The following RAB38 variants were observed in gnomAD, a reference collection of about 807,000 sequenced individuals.
RAB38 encodes ras-related protein Rab-38.
In RAB38, 15 loss-of-function variants were observed where a neutral mutation model predicts 18.4. The observed-to-expected ratio is 0.82, with a 90% CI of 0.55 to 1.26. RAB38 has a LOEUF of 1.26. Among genes scored for constraint, RAB38 ranks in the 50% most tolerant of loss-of-function variants. The pLI, the probability that RAB38 is intolerant of heterozygous loss-of-function variation, is 0.00. For missense variants in RAB38, 294 were observed against 267.4 expected, an observed-to-expected ratio of 1.10 and a Z score of -0.69; for synonymous variants, 101 against 104.4, an observed-to-expected ratio of 0.97 and a Z score of 0.20.
At chr11:88,074,918 T>C in the RAB38 span, among the ~76,000 whole-genome samples, 1 of 152,034 alleles carries the variant, frequency 6.6e-6, no homozygotes, top group African/African-American at 2.4e-5. Flanking sequence ...TTATATCAAA[T>C]AAAATAGACT....
intron 1 of RAB38, among the ~76,000 whole-genome samples, chr11:88,155,293 G>A (rs1321691216): frequency 6.6e-6 from 1 of 152,154 alleles, no homozygotes; most frequent in African/African-American, 2.4e-5. Flanking sequence ...GCAACAGAGA[G>A]CTTCCGCCAG....
chr11:87,853,976 C>T, the RAB38 span, among the ~76,000 whole-genome samples: 2 of 152,102 alleles, frequency 1.3e-5, no homozygotes, highest in Non-Finnish European at 2.9e-5. Context: ...GGATTCATGT[C>T]CCTCTCCTCT....
At chr11:87,953,855 G>GT in the RAB38 span, among the ~76,000 whole-genome samples, 741 of 136,074 alleles carry the variant, frequency 5.4e-3, no homozygotes, top group African/African-American at 0.011. Context: ...GTGTTTTAGT[G>GT]TTTTTTTTTT....
At chr11:87,862,151 C>T in the RAB38 span, among the ~76,000 whole-genome samples, 1 of 151,896 alleles carries the variant, frequency 6.6e-6, no homozygotes, top group Non-Finnish European at 1.5e-5. Context: ...CCCAGCAATA[C>T]CATTACTGGG....
At chr11:88,027,460 T>C in the RAB38 span, among the ~76,000 whole-genome samples, 1 of 152,184 alleles carries the variant, frequency 6.6e-6, no homozygotes, top group Non-Finnish European at 1.5e-5. Context: ...GGGAGTTCCC[T>C]TTCCTAGTCA....
the RAB38 span, among the ~76,000 whole-genome samples, chr11:88,071,155 G>A: frequency 4.6e-4 from 70 of 152,148 alleles, 1 homozygote; most frequent in Admixed American, 3.9e-3. Flanking sequence ...GTTCTGATCA[G>A]TGCCACTGTG....
At chr11:88,067,822 G>A in the RAB38 span, among the ~76,000 whole-genome samples, 2 of 151,766 alleles carry the variant, frequency 1.3e-5, no homozygotes, top group African/African-American at 4.8e-5. Flanking sequence ...TCTAGATGAT[G>A]GGTTGATAGG....
chr11:88,150,973 A>AG (rs1943056751), intron 1 of RAB38, among the ~76,000 whole-genome samples: 1 of 152,158 alleles, frequency 6.6e-6, no homozygotes, highest in Non-Finnish European at 1.5e-5. Context: ...ACCCTTAAAT[A>AG]CTCTACAACC....
the RAB38 span, among the ~76,000 whole-genome samples, chr11:87,872,727 T>C: frequency 1.3e-5 from 2 of 151,726 alleles, no homozygotes; most frequent in Admixed American, 1.3e-4. Flanking sequence ...TTTTCAGATT[T>C]GCTTCTTTCA....
At chr11:88,154,456 C>T (rs1943101346) in intron 1 of RAB38, among the ~76,000 whole-genome samples, 1 of 152,166 alleles carries the variant, frequency 6.6e-6, no homozygotes, top group Admixed American at 6.5e-5. Flanking sequence ...ATACTTGTAG[C>T]TAGGGCCAGC....
intron 1 of RAB38, among the ~76,000 whole-genome samples, chr11:88,174,310 C>T (rs1278791679): frequency 6.6e-6 from 1 of 152,106 alleles, no homozygotes; most frequent in Non-Finnish European, 1.5e-5. Flanking sequence ...TACATTGCAC[C>T]CTCACTTTTG....
At chr11:88,155,768 T>C (rs1005374696) in intron 1 of RAB38, among the ~76,000 whole-genome samples, 1 of 152,104 alleles carries the variant, frequency 6.6e-6, no homozygotes, top group Non-Finnish European at 1.5e-5. Context: ...CAATATAAGA[T>C]TGAAAAGAAA....
the RAB38 span, among the ~76,000 whole-genome samples, chr11:87,805,262 G>A: frequency 6.6e-6 from 1 of 151,950 alleles, no homozygotes; most frequent in South Asian, 2.1e-4. Flanking sequence ...CCATCCATAT[G>A]TGCAACTATC....
At chr11:87,927,143 T>C in the RAB38 span, among the ~76,000 whole-genome samples, 2 of 151,970 alleles carry the variant, frequency 1.3e-5, no homozygotes, top group Admixed American at 6.6e-5. Flanking sequence ...AAAAATACAA[T>C]TTGGGATGTG....
chr11:87,859,225 CA>C, the RAB38 span, among the ~76,000 whole-genome samples: 8 of 151,328 alleles, frequency 5.3e-5, no homozygotes, highest in Non-Finnish European at 1.2e-4. Flanking sequence ...ATTGAGAAGA[CA>C]AAAAATTAAT....
At chr11:87,918,599 G>A in the RAB38 span, among the ~76,000 whole-genome samples, 4 of 152,016 alleles carry the variant, frequency 2.6e-5, no homozygotes, top group African/African-American at 9.7e-5. Flanking sequence ...GAATTTCACT[G>A]TGGTTTTCAT....
chr11:88,089,696 T>A, the RAB38 span, among the ~76,000 whole-genome samples: 2 of 151,956 alleles, frequency 1.3e-5, no homozygotes, highest in Non-Finnish European at 2.9e-5. Flanking sequence ...AACCTCTCTA[T>A]GAACTTTTCT....
chr11:87,956,007 AAAAAACTAAGTGCTAAACC>A, the RAB38 span, among the ~76,000 whole-genome samples: 1 of 152,100 alleles, frequency 6.6e-6, no homozygotes, highest in East Asian at 1.9e-4. Flanking sequence ...TAGCAGACAT[AAAAAACTAAGTGCTAAACC>A]AAAAATGTTT....
At chr11:88,107,868 C>T in the RAB38 span, among the ~76,000 whole-genome samples, 3 of 152,018 alleles carry the variant, frequency 2.0e-5, no homozygotes, top group East Asian at 1.9e-4. Context: ...ACCTTAATTT[C>T]GTTTTTTACC....
Sources: allele counts gnomAD v4.1 joint callset (sites outside exome capture counted in the v4.1 genomes callset), GRCh38; gene constraint gnomAD v4.1.1; transcripts MANE v1.5; gene names NCBI Gene and HGNC (gene_info 2026-07-23, HGNC 2026-07-21).